Variants in PDE4D observed in about 807,000 individuals in gnomAD.
The protein encoded by PDE4D is phosphodiesterase 4D.
PDE4D carries 24 observed loss-of-function variants against 87.4 expected under a neutral mutation model. The ratio of observed to expected loss-of-function variants is 0.27; its 90% confidence interval spans 0.20 to 0.39. The LOEUF (loss-of-function observed/expected upper bound fraction) is 0.39, where lower values mean the gene tolerates loss of function less well. Ranked by LOEUF, PDE4D falls within the 10% of genes least tolerant of loss-of-function variation. The pLI is 1.00. For synonymous variants in PDE4D, 384 were observed against 383.2 expected (o/e 1.00, Z -0.02); for missense variants, 714 against 1,041.0 (o/e 0.69, Z 4.32).
intron 2 of PDE4D, among the ~76,000 whole-genome samples, chr5:60,170,707 AGAT>A (rs1374428389): frequency 6.6e-6 from 1 of 152,012 alleles, no homozygotes; most frequent in Non-Finnish European, 1.5e-5. Context: ...ATAATGACAT[AGAT>A]GATATGTAAT....
chr5:60,502,037 T>C (rs1175769714), intron 1 of PDE4D, among the ~76,000 whole-genome samples: 4 of 152,268 alleles, frequency 2.6e-5, no homozygotes, highest in Middle Eastern at 3.4e-3. Context: ...TTGGCTTTGG[T>C]TGCCATTGCT....
intron 3 of PDE4D, among the ~76,000 whole-genome samples, chr5:59,984,630 T>C (rs1762233412): frequency 6.6e-6 from 1 of 152,198 alleles, no homozygotes. Flanking sequence ...CTAAAAGTCC[T>C]TTTGAACTCA....
intron 1 of PDE4D, among the ~76,000 whole-genome samples, chr5:59,866,088 C>T (rs1746988545): frequency 1.3e-5 from 2 of 152,282 alleles, no homozygotes; most frequent in East Asian, 1.9e-4. Flanking sequence ...ATCAACAGTT[C>T]TAGTTTCAGT....
At chr5:60,245,126 G>A (rs1562253683) in intron 1 of PDE4D, among the ~76,000 whole-genome samples, 1 of 151,822 alleles carries the variant, frequency 6.6e-6, no homozygotes. Context: ...AAAAATGGGT[G>A]AAAGAGTTGA....
chr5:59,184,768 C>T (rs989304631), intron 4 of PDE4D, among the ~76,000 whole-genome samples: 3 of 152,098 alleles, frequency 2.0e-5, no homozygotes, highest in African/African-American at 4.8e-5. Flanking sequence ...TCAGTAACAG[C>T]AGGAGAATCA....
intron 1 of PDE4D, chr5:59,768,490 G>T: frequency 6.3e-7 from 1 of 1,598,304 alleles, no homozygotes; most frequent in Non-Finnish European, 8.5e-7. Context: ...TAAAGTGTCC[G>T]GGCTTGTCTG....
At chr5:60,168,960 T>C (rs1157381484) in intron 2 of PDE4D, among the ~76,000 whole-genome samples, 1 of 152,202 alleles carries the variant, frequency 6.6e-6, no homozygotes. Flanking sequence ...CAGTTGTTTC[T>C]CAGTATACCA....
At chr5:60,349,998 A>T in intron 1 of PDE4D, among the ~76,000 whole-genome samples, 1 of 152,174 alleles carries the variant, frequency 6.6e-6, no homozygotes, top group East Asian at 1.9e-4. Flanking sequence ...CTAGGTTTTG[A>T]ACCACTTGAA....
At chr5:59,907,930 C>T (rs1461363626) in intron 3 of PDE4D, among the ~76,000 whole-genome samples, 1 of 151,998 alleles carries the variant, frequency 6.6e-6, no homozygotes, top group Non-Finnish European at 1.5e-5. Context: ...CCCCCAAGTC[C>T]TCATTCTTTT....
At chr5:59,328,230 G>A (rs1029517786) in intron 1 of PDE4D, among the ~76,000 whole-genome samples, 1 of 152,146 alleles carries the variant, frequency 6.6e-6, no homozygotes. Context: ...TACTAGCTGT[G>A]TGATTTGGGG....
At chr5:60,135,530 C>G (rs554245112) in intron 2 of PDE4D, among the ~76,000 whole-genome samples, 5 of 152,002 alleles carry the variant, frequency 3.3e-5, no homozygotes, top group African/African-American at 1.2e-4. Flanking sequence ...GAAAAACCAT[C>G]GAATACCAGA....
At chr5:59,276,708 T>A (rs568078810) in intron 1 of PDE4D, among the ~76,000 whole-genome samples, 21 of 152,126 alleles carry the variant, frequency 1.4e-4, no homozygotes, top group African/African-American at 4.8e-4. Context: ...TTATTTTTTT[T>A]TAAAAAAAAT....
At chr5:59,561,083 A>C (rs172362) in intron 1 of PDE4D, among the ~76,000 whole-genome samples, 20,082 of 152,192 alleles carry the variant, frequency 0.13, 1,601 homozygotes, top group East Asian at 0.28. Context: ...TGAGGTTAAC[A>C]AAGTTGCATT....
At chr5:59,362,376 A>G (rs1433154613) in intron 1 of PDE4D, among the ~76,000 whole-genome samples, 2 of 152,184 alleles carry the variant, frequency 1.3e-5, no homozygotes, top group East Asian at 1.9e-4. Context: ...ACTTTTCTCT[A>G]TTTGAAATCT....
chr5:59,308,705 G>A (rs748741998), intron 1 of PDE4D, among the ~76,000 whole-genome samples: 6 of 152,012 alleles, frequency 3.9e-5, no homozygotes, highest in South Asian at 2.1e-4. Flanking sequence ...CTTAGCTTTC[G>A]TGGTTTAATG....
intron 1 of PDE4D, among the ~76,000 whole-genome samples, chr5:60,321,372 TA>T (rs573114870): frequency 1.7e-3 from 266 of 152,326 alleles, no homozygotes; most frequent in Non-Finnish European, 3.1e-3. Flanking sequence ...ACCTCTTTTT[TA>T]TATCATATAC....
intron 1 of PDE4D, among the ~76,000 whole-genome samples, chr5:59,815,987 G>A (rs982063969): frequency 6.6e-6 from 1 of 152,162 alleles, no homozygotes; most frequent in African/African-American, 2.4e-5. Context: ...TGACAACAAT[G>A]TGGAAAAGCC....
At chr5:60,197,081 A>ACAGACAGT (rs1325375889) in intron 1 of PDE4D, among the ~76,000 whole-genome samples, 2,029 of 126,002 alleles carry the variant, frequency 0.016, 45 homozygotes, top group Middle Eastern at 0.023. Context: ...AGACAGTTAG[A>ACAGACAGT]TAGATAGATA....
At chr5:60,245,348 T>C (rs1747638560) in intron 1 of PDE4D, among the ~76,000 whole-genome samples, 1 of 151,920 alleles carries the variant, frequency 6.6e-6, no homozygotes, top group South Asian at 2.1e-4. Flanking sequence ...TGTAAATTAG[T>C]ACAACCACTG....
Sources: allele counts gnomAD v4.1 joint callset (sites outside exome capture counted in the v4.1 genomes callset), GRCh38; gene constraint gnomAD v4.1.1; transcripts MANE v1.5; gene names NCBI Gene and HGNC (gene_info 2026-07-23, HGNC 2026-07-21).